AVL9: variants seen among roughly 807,000 people sequenced by gnomAD.
AVL9 encodes AVL9 cell migration associated.
A neutral mutation model predicts 79.2 loss-of-function variants in AVL9; 49 were observed. That is an observed-to-expected ratio of 0.62 (90% CI 0.49 to 0.79). AVL9 has a LOEUF of 0.79. Ranked by LOEUF, AVL9 falls within the 30% of genes least tolerant of loss-of-function variation. AVL9 has a pLI of 0.00. For synonymous variants in AVL9, 299 were observed against 280.6 expected (o/e 1.07, Z -0.65); for missense variants, 682 against 776.8 (o/e 0.88, Z 1.45).
At chr7:32,495,870 T>C in intron 1 of AVL9, 68 bp downstream of exon 1, 1 of 1,005,032 alleles carries the variant, frequency 9.9e-7, no homozygotes, top group Non-Finnish European at 1.3e-6. Flanking sequence ...CCCCCTGCCC[T>C]GCTTCTGTGT....
intron 10 of AVL9, among the ~76,000 whole-genome samples, chr7:32,563,775 C>T (rs1790433071): frequency 2.6e-5 from 4 of 152,100 alleles, no homozygotes. Flanking sequence ...CCCAGCTTTG[C>T]AAAAATGTAC....
Position 32,551,605 on chromosome 7 carries a change from C to CTTTTT in AVL9, c.462+197_462+201dup, listed in dbSNP as rs60271681. Among the ~76,000 whole-genome samples, 12 of 93,754 alleles carry CTTTTT rather than the reference C, an allele frequency of 1.3e-4. 3 individuals are homozygous for CTTTTT. The highest frequency in any genetic ancestry group is 4.4e-4 in the Admixed American group (3 of 6,786). 61.5% of individuals were successfully genotyped at this position (93,754 alleles called of 152,430 possible). On this transcript the variant is annotated intron_variant, in intron 5 of 15. Coordinates refer to ENST00000318709, the MANE Select transcript of AVL9 (RefSeq NM_015060.3). ...TGCCCAAATACTAAATTTAACCAAACTTTTTTTTTTTTTTTTTTTAGGAAA... is the reference window on the plus strand; with the variant it reads ...TGCCCAAATACTAAATTTAACCAAACTTTTTTTTTTTTTTTTTTTTTTTTAGGAAA...
chr7:32,543,049 T>C (rs1191787159), intron 1 of AVL9, 92 bp from the exon 2 acceptor site: 1 of 1,523,142 alleles, frequency 6.6e-7, no homozygotes, highest in African/African-American at 1.4e-5. Flanking sequence ...TCCCGACTTC[T>C]GTCATTCAGG....
intron 1 of AVL9, among the ~76,000 whole-genome samples, chr7:32,512,983 CTG>C (rs1345324428): frequency 1.8e-5 from 2 of 111,814 alleles, no homozygotes; most frequent in East Asian, 2.2e-4. Flanking sequence ...GGAGAGATAA[CTG>C]TGCACGCCTG....
intron 8 of AVL9, among the ~76,000 whole-genome samples, chr7:32,557,942 ACCT>A (rs1790150451): frequency 7.1e-6 from 1 of 140,062 alleles, no homozygotes; most frequent in African/African-American, 2.8e-5. Context: ...TGTAACCTCC[ACCT>A]CCCGGGTTCA....
At chr7:32,518,899 GTTACTC>G (rs1284929505) in intron 1 of AVL9, among the ~76,000 whole-genome samples, 2 of 152,084 alleles carry the variant, frequency 1.3e-5, no homozygotes, top group Admixed American at 1.3e-4. Flanking sequence ...GAAAAATTGT[GTTACTC>G]TTAGTGCAAG....
intron 7 of AVL9, among the ~76,000 whole-genome samples, chr7:32,554,282 G>C (rs1020945149): frequency 6.6e-5 from 10 of 152,250 alleles, no homozygotes; most frequent in African/African-American, 2.4e-4. Context: ...TTTATTTAAA[G>C]AGCAGGGTCC....
chr7:32,521,075 A>G (rs13237495), intron 1 of AVL9, among the ~76,000 whole-genome samples: 54,987 of 151,942 alleles, frequency 0.36, 10,134 homozygotes, highest in East Asian at 0.48. Flanking sequence ...AGGCCTCCCC[A>G]GCCATGTGGA....
chr7:32,553,113 C>CTG (rs1371724384), intron 6 of AVL9, among the ~76,000 whole-genome samples: 2 of 152,126 alleles, frequency 1.3e-5, no homozygotes, highest in African/African-American at 4.8e-5. Context: ...TTGCAATCCT[C>CTG]TGTGTAATGT....
chr7:32,545,364 C>CT (rs10610945), intron 3 of AVL9, among the ~76,000 whole-genome samples: 1,826 of 73,256 alleles, frequency 0.025, 184 homozygotes, highest in African/African-American at 0.06. Context: ...TCTAAGATTT[C>CT]TTTTTTTTTT....
intron 1 of AVL9, among the ~76,000 whole-genome samples, chr7:32,526,769 G>C (rs1243460097): frequency 6.6e-6 from 1 of 152,138 alleles, no homozygotes; most frequent in Non-Finnish European, 1.5e-5. Flanking sequence ...AGGGTGAGTA[G>C]GGCAGGGTTT....
chr7:32,519,737 T>C (rs1242667314), intron 1 of AVL9, among the ~76,000 whole-genome samples: 2 of 152,220 alleles, frequency 1.3e-5, no homozygotes, highest in Non-Finnish European at 2.9e-5. Flanking sequence ...GAGAAAATTA[T>C]ACTGTATTAG....
chr7:32,551,296 A>G (rs1789805804), intron 4 of AVL9, 38 bp from the exon 5 acceptor site: 1 of 1,338,342 alleles, frequency 7.5e-7, no homozygotes. Flanking sequence ...TTATCAACTA[A>G]TTATTAATCA....
chr7:32,568,218 T>C (rs1008544091), intron 10 of AVL9, among the ~76,000 whole-genome samples: 1 of 150,900 alleles, frequency 6.6e-6, no homozygotes, highest in South Asian at 2.1e-4. Context: ...TTTTTTTTTT[T>C]GAGATGGAGT....
intron 10 of AVL9, among the ~76,000 whole-genome samples, chr7:32,564,427 G>T (rs1247709014): frequency 1.3e-5 from 2 of 152,114 alleles, no homozygotes. Context: ...TAAAATCCTT[G>T]TACAGAAGGA....
intron 2 of AVL9, among the ~76,000 whole-genome samples, chr7:32,544,357 C>T (rs1789369580): frequency 6.6e-6 from 1 of 152,178 alleles, no homozygotes; most frequent in Admixed American, 6.6e-5. Flanking sequence ...TTCTTGTATT[C>T]ATTCAAGGTT....
chr7:32,519,530 A>G (rs1234441213), intron 1 of AVL9, among the ~76,000 whole-genome samples: 1 of 152,210 alleles, frequency 6.6e-6, no homozygotes, highest in Non-Finnish European at 1.5e-5. Flanking sequence ...GGTAAGATTA[A>G]TTTGGTAAAC....
rs1447413676 is a variant in AVL9, at chr7:32,579,462, ATATAATATAT to A, written c.1689-752_1689-743del. Among the ~76,000 whole-genome samples the A allele has an allele frequency of 1.7e-3, 15 of 8,700 alleles. 4 individuals carry two copies. The highest frequency in any genetic ancestry group is 0.062 in the Middle Eastern group (1 of 16). 5.7% of individuals were successfully genotyped at this position (8,700 alleles called of 152,430 possible). Reference sequence around the variant, plus strand: ...TTATATATAATATATTATATATTATATATAATATATTATATTATATATAATATATTACATA... The same window carrying A: ...TTATATATAATATATTATATATTATATATATTATATATAATATATTACATA... On this transcript the variant is annotated intron_variant, in intron 13 of 15. Coordinates refer to ENST00000318709, the MANE Select transcript of AVL9 (RefSeq NM_015060.3).
At chr7:32,553,622 CTT>C (rs10717407) in intron 6 of AVL9, 103 bp from the exon 7 acceptor site, 84,737 of 567,300 alleles carry the variant, frequency 0.15, 2 homozygotes, top group South Asian at 0.21. Context: ...CATATTCCTA[CTT>C]TTTTTTTTTT....
Sources: gnomAD v4.1 joint callset for allele counts (sites outside exome capture counted in the v4.1 genomes callset) on GRCh38, gnomAD v4.1.1 for gene constraint, MANE v1.5 for transcripts, NCBI Gene and HGNC (gene_info 2026-07-23, HGNC 2026-07-21) for gene names.